Variants in SLC35D4 observed in about 807,000 individuals in gnomAD.
The protein encoded by SLC35D4 is solute carrier family 35 member D4.
chr18:23,252,972 G>A, the SLC35D4 span: 1 of 1,610,480 alleles, frequency 6.2e-7, no homozygotes, highest in South Asian at 1.1e-5. Context: ...AACAGTGATT[G>A]ACTACGTGAA....
the SLC35D4 span, among the ~76,000 whole-genome samples, chr18:23,410,202 C>T: frequency 1.2e-4 from 19 of 152,228 alleles, no homozygotes; most frequent in South Asian, 4.1e-4. Context: ...TGCATTAGGC[C>T]GGGCGCGGTG....
the SLC35D4 span, among the ~76,000 whole-genome samples, chr18:23,387,962 G>A: frequency 1.2e-3 from 188 of 152,138 alleles, 1 homozygote; most frequent in African/African-American, 4.2e-3. Flanking sequence ...GGCAAACTTG[G>A]GCCCTGGCCT....
At chr18:23,347,009 G>T in the SLC35D4 span, among the ~76,000 whole-genome samples, 2 of 152,142 alleles carry the variant, frequency 1.3e-5, no homozygotes, top group African/African-American at 4.8e-5. Flanking sequence ...TTTACAGCTG[G>T]GTAACCCACC....
At chr18:23,384,992 C>T in the SLC35D4 span, 1 of 1,613,632 alleles carries the variant, frequency 6.2e-7, no homozygotes, top group South Asian at 1.1e-5. Context: ...TCGTTTACCT[C>T]TTTCTGAAAA....
the SLC35D4 span, among the ~76,000 whole-genome samples, chr18:23,261,798 C>T: frequency 6.6e-6 from 1 of 152,200 alleles, no homozygotes; most frequent in South Asian, 2.1e-4. Flanking sequence ...GGGTATCATA[C>T]AGCACATGGC....
At chr18:23,292,638 CT>C in the SLC35D4 span, among the ~76,000 whole-genome samples, 1 of 152,182 alleles carries the variant, frequency 6.6e-6, no homozygotes, top group Non-Finnish European at 1.5e-5. Context: ...CTCAACAGAA[CT>C]CTCTAGCATG....
the SLC35D4 span, among the ~76,000 whole-genome samples, chr18:23,381,457 GGCCTCCCAAA>G: frequency 1.3e-5 from 2 of 152,032 alleles, no homozygotes; most frequent in East Asian, 3.9e-4. Context: ...CTCCTGCCTT[GGCCTCCCAAA>G]GCTTTTTGAT....
the SLC35D4 span, chr18:23,377,618 C>A: frequency 3.2e-6 from 5 of 1,567,924 alleles, no homozygotes; most frequent in Non-Finnish European, 4.3e-6. Flanking sequence ...TATATTATGG[C>A]TTTTTGGGGG....
chr18:23,291,952 C>T, the SLC35D4 span, among the ~76,000 whole-genome samples: 1 of 152,194 alleles, frequency 6.6e-6, no homozygotes, highest in Non-Finnish European at 1.5e-5. Context: ...AAAAGTCTCA[C>T]CCCTTTGACT....
At chr18:23,252,688 C>T in the SLC35D4 span, among the ~76,000 whole-genome samples, 1 of 152,162 alleles carries the variant, frequency 6.6e-6, no homozygotes, top group African/African-American at 2.4e-5. Context: ...CACAGGCACC[C>T]CTCCCTCTCA....
the SLC35D4 span, among the ~76,000 whole-genome samples, chr18:23,402,911 C>A: frequency 6.6e-6 from 1 of 152,082 alleles, no homozygotes; most frequent in Non-Finnish European, 1.5e-5. Flanking sequence ...TCAAGACCAG[C>A]CTGGCCAATA....
chr18:23,327,238 CA>C, the SLC35D4 span, among the ~76,000 whole-genome samples: 2 of 151,788 alleles, frequency 1.3e-5, no homozygotes, highest in African/African-American at 4.8e-5. Flanking sequence ...AAAAACCCTT[CA>C]AAAAAATCAA....
the SLC35D4 span, among the ~76,000 whole-genome samples, chr18:23,300,531 G>C: frequency 6.6e-6 from 1 of 152,108 alleles, no homozygotes; most frequent in Admixed American, 6.5e-5. Context: ...ATGTCCCTTG[G>C]CCTGAACTAC....
At chr18:23,241,301 T>TG in the SLC35D4 span, among the ~76,000 whole-genome samples, 1 of 151,158 alleles carries the variant, frequency 6.6e-6, no homozygotes, top group African/African-American at 2.4e-5. Context: ...GTGGGTAAGG[T>TG]GGGGGGATCA....
At chr18:23,399,724 C>T in the SLC35D4 span, 1 of 1,348,234 alleles carries the variant, frequency 7.4e-7, no homozygotes, top group East Asian at 2.4e-5. Flanking sequence ...GGCTGACCCT[C>T]CAGATGCATC....
At chr18:23,435,489 AAAAC>A in the SLC35D4 span, among the ~76,000 whole-genome samples, 1,612 of 152,332 alleles carry the variant, frequency 0.011, 19 homozygotes, top group African/African-American at 0.034. Flanking sequence ...GGTGCTACAA[AAAAC>A]AAACAAACAA....
chr18:23,263,917 G>T, the SLC35D4 span, among the ~76,000 whole-genome samples: 2 of 152,206 alleles, frequency 1.3e-5, no homozygotes, highest in African/African-American at 2.4e-5. Flanking sequence ...GCGCTGAAAG[G>T]CACCTCCATA....
At chr18:23,299,618 G>A in the SLC35D4 span, among the ~76,000 whole-genome samples, 7 of 152,196 alleles carry the variant, frequency 4.6e-5, no homozygotes, top group South Asian at 4.1e-4. Context: ...CCCCGCCCAC[G>A]AGGCCAAAGC....
chr18:23,263,928 G>A, the SLC35D4 span, among the ~76,000 whole-genome samples: 1 of 152,212 alleles, frequency 6.6e-6, no homozygotes, highest in African/African-American at 2.4e-5. Flanking sequence ...CACCTCCATA[G>A]TCCTTAACTG....
Sources: allele counts gnomAD v4.1 joint callset (sites outside exome capture counted in the v4.1 genomes callset), GRCh38; gene constraint gnomAD v4.1.1; transcripts MANE v1.5; gene names NCBI Gene and HGNC (gene_info 2026-07-23, HGNC 2026-07-21).